Variants in LRP1B observed in about 807,000 individuals in gnomAD.
The protein encoded by LRP1B is LDL receptor related protein 1B.
In LRP1B, 217 loss-of-function variants were observed where a neutral mutation model predicts 556.6. The ratio of observed to expected loss-of-function variants is 0.39; its 90% CI spans 0.35 to 0.44. The LOEUF (loss-of-function observed/expected upper bound fraction) is 0.44, where lower values mean the gene tolerates loss of function less well. Ranked by LOEUF, LRP1B falls within the 20% of genes least tolerant of loss-of-function variation. LRP1B has a pLI of 1.00. For missense variants in LRP1B, 5,053 were observed against 5,620.8 expected, an observed-to-expected ratio of 0.90 and a Z score of 3.23; for synonymous variants, 2,047 against 1,865.8, an observed-to-expected ratio of 1.10 and a Z score of -2.50.
chr2:142,114,465 C>T (rs969786963), intron 1 of LRP1B, among the ~76,000 whole-genome samples: 7 of 152,030 alleles, frequency 4.6e-5, no homozygotes, highest in African/African-American at 1.7e-4. Context: ...GATATCTGTG[C>T]CACTATTTTT....
chr2:140,579,796 C>G (rs977623181), intron 43 of LRP1B, among the ~76,000 whole-genome samples: 1 of 152,100 alleles, frequency 6.6e-6, no homozygotes, highest in Admixed American at 6.5e-5. Flanking sequence ...GAACCGAGAT[C>G]GCGCCACTGC....
intron 37 of LRP1B, among the ~76,000 whole-genome samples, chr2:140,709,338 C>A (rs967793443): frequency 6.6e-6 from 1 of 151,874 alleles, no homozygotes; most frequent in Non-Finnish European, 1.5e-5. Flanking sequence ...TATTAAATGA[C>A]TTTTCAGCAT....
At chr2:141,658,044 C>T (rs939247247) in intron 2 of LRP1B, among the ~76,000 whole-genome samples, 2 of 152,104 alleles carry the variant, frequency 1.3e-5, no homozygotes, top group South Asian at 2.1e-4. Flanking sequence ...AATTTATTTC[C>T]TCTGGTGTGA....
At chr2:141,463,769 T>C (rs1205441370) in intron 3 of LRP1B, among the ~76,000 whole-genome samples, 1 of 145,620 alleles carries the variant, frequency 6.9e-6, no homozygotes, top group Non-Finnish European at 1.5e-5. Flanking sequence ...ATGTTGATTG[T>C]ATTTCAACAA....
At position 141,097,933 on chromosome 2, in the gene LRP1B, C is replaced by T. The variant is rs182079973; in HGVS notation, c.1014-35660G>A. ...AATAATTGTCAATGAATGGTAGTTG[C>T]CATCTGCTAAATATTTTTATTTTAA... On this transcript the variant is annotated intron_variant, in intron 7 of 90. Transcript: ENST00000389484. Among the ~76,000 whole-genome samples the T allele has an allele frequency of 1.7e-3, 263 of 152,214 alleles. 1 individual carries two copies. Among genetic ancestry groups the T allele is most frequent in the Middle Eastern group, 3.4e-3 (1 of 294 alleles).
chr2:140,291,405 C>T (rs1175060096), intron 84 of LRP1B, among the ~76,000 whole-genome samples: 1 of 148,778 alleles, frequency 6.7e-6, no homozygotes, highest in Admixed American at 6.8e-5. Flanking sequence ...TGGTGTGCTG[C>T]ACCCATTAAC....
At chr2:141,591,651 T>G (rs1687346152) in intron 2 of LRP1B, among the ~76,000 whole-genome samples, 1 of 151,866 alleles carries the variant, frequency 6.6e-6, no homozygotes, top group Admixed American at 6.6e-5. Flanking sequence ...GCAGTTGATA[T>G]GAAGCAATTT....
At chr2:141,551,355 C>T (rs897260705) in intron 2 of LRP1B, among the ~76,000 whole-genome samples, 1 of 151,660 alleles carries the variant, frequency 6.6e-6, no homozygotes, top group Non-Finnish European at 1.5e-5. Context: ...CTTCTTCAAG[C>T]CCTCTATTTC....
chr2:141,057,717 A>C (rs1699219457), intron 9 of LRP1B, among the ~76,000 whole-genome samples: 1 of 151,854 alleles, frequency 6.6e-6, no homozygotes, highest in Non-Finnish European at 1.5e-5. Flanking sequence ...AGCCATGTGG[A>C]ACTGTAAGTC....
chr2:141,107,180 T>A (rs1416055064), intron 7 of LRP1B, among the ~76,000 whole-genome samples: 1 of 152,152 alleles, frequency 6.6e-6, no homozygotes, highest in East Asian at 1.9e-4. Flanking sequence ...TATTCAGACT[T>A]TGGAAGACTT....
At chr2:141,473,828 T>TTTGTTTTGGA (rs1682575159) in intron 3 of LRP1B, among the ~76,000 whole-genome samples, 1 of 152,086 alleles carries the variant, frequency 6.6e-6, no homozygotes, top group African/African-American at 2.4e-5. Flanking sequence ...ACTATATACC[T>TTTGTTTTGGA]CTTCTCCATA....
chr2:141,157,613 T>A (rs899600994), intron 7 of LRP1B, among the ~76,000 whole-genome samples: 3 of 152,112 alleles, frequency 2.0e-5, no homozygotes, highest in African/African-American at 7.2e-5. Flanking sequence ...AATAGTAATA[T>A]CCTATCATGG....
chr2:140,719,678 A>T (rs1687334486), intron 35 of LRP1B, among the ~76,000 whole-genome samples: 1 of 152,048 alleles, frequency 6.6e-6, no homozygotes, highest in Non-Finnish European at 1.5e-5. Flanking sequence ...GTAATACTGA[A>T]GCTATCTCTA....
chr2:140,714,162 A>G (rs572985958), intron 37 of LRP1B, among the ~76,000 whole-genome samples: 1 of 152,178 alleles, frequency 6.6e-6, no homozygotes. Context: ...TCATGCCAGC[A>G]TACTTCACAG....
chr2:141,534,010 C>T (rs946238408), intron 2 of LRP1B, among the ~76,000 whole-genome samples: 1 of 151,440 alleles, frequency 6.6e-6, no homozygotes, highest in African/African-American at 2.4e-5. Flanking sequence ...GATTCTCTCT[C>T]TCTCTCATAC....
Position 141,911,377 on chromosome 2 carries a change from G to T in LRP1B, c.83-100976C>A, listed in dbSNP as rs534048049. Among the ~76,000 whole-genome samples the T allele has an allele frequency of 5.1e-4, 78 of 152,190 alleles. 2 individuals are homozygous for T. In the South Asian group the frequency reaches 0.016, roughly 31 times the overall value. ...AATTCCCGAAGTCATATAAGTAAAA[G>T]ACTCTTTAGCACTGGTATATCAATA... On this transcript the variant is annotated intron_variant, in intron 1 of 90. Coordinates refer to ENST00000389484, the MANE Select transcript of LRP1B (RefSeq NM_018557.3).
At chr2:140,595,918 T>C (rs1477377354) in intron 43 of LRP1B, among the ~76,000 whole-genome samples, 2 of 152,196 alleles carry the variant, frequency 1.3e-5, no homozygotes, top group Non-Finnish European at 2.9e-5. Flanking sequence ...ATTTATTTTG[T>C]AAAATTATCT....
chr2:140,299,012 G>A (rs1204246650), intron 83 of LRP1B, among the ~76,000 whole-genome samples: 1 of 152,052 alleles, frequency 6.6e-6, no homozygotes, highest in African/African-American at 2.4e-5. Context: ...CAGTTGACTA[G>A]CAGTAGAGAA....
intron 41 of LRP1B, among the ~76,000 whole-genome samples, chr2:140,645,785 G>A (rs376329565): frequency 6.6e-6 from 1 of 151,524 alleles, no homozygotes; most frequent in Non-Finnish European, 1.5e-5. Context: ...TGATCCGCCC[G>A]CCTCGGCCTC....
Sources: allele counts gnomAD v4.1 joint callset (sites outside exome capture counted in the v4.1 genomes callset), GRCh38; gene constraint gnomAD v4.1.1; transcripts MANE v1.5; gene names NCBI Gene and HGNC (gene_info 2026-07-23, HGNC 2026-07-21).